The following DNAH9 variants were observed in gnomAD, a reference collection of about 807,000 sequenced individuals.
DNAH9 encodes the protein DNAH9 variant protein.
Under a neutral mutation model 471.6 loss-of-function variants are expected in DNAH9, and 345 were observed. The observed-to-expected ratio is 0.73, with a 90% confidence interval of 0.67 to 0.80. DNAH9 has a LOEUF of 0.80. Among genes scored for constraint, DNAH9 ranks in the 30% least tolerant of loss-of-function variants. The probability of loss-of-function intolerance (pLI) is 0.00; values close to 1 mark genes in which losing one functional copy is unlikely to be tolerated. For synonymous variants in DNAH9, 2,093 were observed against 2,123.6 expected (o/e 0.99, Z 0.40); for missense variants, 5,407 against 5,609.2 (o/e 0.96, Z 1.15).
At chr17:11,926,035 GAAAAAAAAAAAAAA>G (rs71142253) in intron 62 of DNAH9, among the ~76,000 whole-genome samples, 32 of 59,918 alleles carry the variant, frequency 5.3e-4, no homozygotes, top group African/African-American at 2.0e-3. Flanking sequence ...GAGATTCTCT[GAAAAAAAAAAAAAA>G]AAAAAAAAAA....
chr17:11,773,057 A>T (rs996454832), intron 38 of DNAH9, among the ~76,000 whole-genome samples: 12 of 152,254 alleles, frequency 7.9e-5, no homozygotes, highest in Admixed American at 6.5e-4. Context: ...GAAACCAGGT[A>T]TCAAACAGGA....
Position 11,719,325 on chromosome 17 carries a change from G to A in DNAH9, c.5553-9G>A, listed in dbSNP as rs1044596496. On this transcript the variant is annotated splice_polypyrimidine_tract_variant and intron_variant, in intron 26 of 68. Transcript: ENST00000262442. ...AGAATGATGACCTATGCCCTCCCGT[G>A]TTTGGCAGGTGCTACATCACCCTCA... 1.2e-6 allele frequency: 2 copies of A among 1,613,374 alleles called. No homozygotes were observed. Among genetic ancestry groups the A allele is most frequent in the Non-Finnish European group, 1.7e-6 (2 of 1,179,704 alleles).
chr17:11,729,317 C>T (rs1429436300), intron 28 of DNAH9, among the ~76,000 whole-genome samples: 2 of 152,110 alleles, frequency 1.3e-5, no homozygotes, highest in Non-Finnish European at 2.9e-5. Flanking sequence ...CTGCTAGGGG[C>T]GGCTGGTTTC....
At chr17:11,928,751 G>A (rs1974408677) in intron 62 of DNAH9, among the ~76,000 whole-genome samples, 1 of 152,240 alleles carries the variant, frequency 6.6e-6, no homozygotes, top group Admixed American at 6.5e-5. Flanking sequence ...GTGGTTTGGA[G>A]AGTGGAGAGA....
intron 49 of DNAH9, among the ~76,000 whole-genome samples, chr17:11,846,426 T>C (rs1971226481): frequency 2.0e-5 from 3 of 151,716 alleles, no homozygotes; most frequent in Admixed American, 1.3e-4. Context: ...TAGTTTGAAG[T>C]CAGGTAGCGT....
chr17:11,794,254 G>A (rs967352799), intron 42 of DNAH9, among the ~76,000 whole-genome samples: 9 of 151,718 alleles, frequency 5.9e-5, no homozygotes, highest in African/African-American at 1.9e-4. Flanking sequence ...CTGTTTCACC[G>A]AGGGTTTCAC....
At chr17:11,752,723 G>A (rs1597593650) in intron 32 of DNAH9, 110 bp from the exon 33 acceptor site, 1 of 777,704 alleles carries the variant, frequency 1.3e-6, no homozygotes, top group African/African-American at 1.8e-5. Context: ...GCCTTTGCAT[G>A]TTCCATGTAC....
chr17:11,952,770 C>G (rs1975435252), intron 67 of DNAH9, among the ~76,000 whole-genome samples: 1 of 152,098 alleles, frequency 6.6e-6, no homozygotes, highest in Non-Finnish European at 1.5e-5. Context: ...CCACTGACCT[C>G]TCTCCTGGTT....
chr17:11,904,386 T>C (rs1279495652), intron 60 of DNAH9, among the ~76,000 whole-genome samples: 1 of 152,010 alleles, frequency 6.6e-6, no homozygotes, highest in Non-Finnish European at 1.5e-5. Flanking sequence ...ATCCCAGCAC[T>C]TTGTCAGGCC....
intron 22 of DNAH9, 50 bp downstream of exon 22, chr17:11,694,497 C>G (rs1213491085): frequency 3.7e-6 from 6 of 1,607,208 alleles, no homozygotes; most frequent in Admixed American, 1.7e-5. Context: ...TGAGGGGTGC[C>G]CAGCAGGAGG....
chr17:11,791,679 C>T (rs117987990), intron 41 of DNAH9, among the ~76,000 whole-genome samples: 2,289 of 151,972 alleles, frequency 0.015, 42 homozygotes, highest in Admixed American at 0.023. Flanking sequence ...CCACTGCACT[C>T]CAGTCTGGGT....
At chr17:11,821,625 A>T (rs912274906) in intron 45 of DNAH9, among the ~76,000 whole-genome samples, 2 of 152,172 alleles carry the variant, frequency 1.3e-5, no homozygotes, top group Non-Finnish European at 2.9e-5. Flanking sequence ...AATACAGTAG[A>T]TGGGAAACAA....
At chr17:11,869,274 C>A (rs759245654) in intron 51 of DNAH9, 21 bp downstream of exon 51, 1 of 1,610,620 alleles carries the variant, frequency 6.2e-7, no homozygotes, top group Admixed American at 1.7e-5. Context: ...GCCACAGCAG[C>A]CCGAGCTGTA....
chr17:11,864,580 T>G (rs1175233825), intron 50 of DNAH9, among the ~76,000 whole-genome samples: 1 of 152,102 alleles, frequency 6.6e-6, no homozygotes, highest in East Asian at 1.9e-4. Context: ...GTATCCTTGT[T>G]GACTTTCTGT....
chr17:11,789,443 G>A (rs1486048831), intron 41 of DNAH9, among the ~76,000 whole-genome samples: 1 of 151,946 alleles, frequency 6.6e-6, no homozygotes, highest in Non-Finnish European at 1.5e-5. Context: ...GTTATCAATA[G>A]TTGCTAATTT....
At chr17:11,659,708 C>A (rs1392379896) in intron 14 of DNAH9, among the ~76,000 whole-genome samples, 1 of 152,270 alleles carries the variant, frequency 6.6e-6, no homozygotes, top group East Asian at 1.9e-4. Context: ...CCTCATCTTT[C>A]TACCCCTACA....
intron 17 of DNAH9, among the ~76,000 whole-genome samples, chr17:11,671,063 C>T (rs189367148): frequency 3.7e-4 from 56 of 152,280 alleles, no homozygotes; most frequent in Middle Eastern, 6.8e-3. Flanking sequence ...CTTTTCTTCC[C>T]TGAGGAACTC....
intron 32 of DNAH9, 122 bp downstream of exon 32, chr17:11,747,888 G>A (rs2150844539): frequency 1.1e-6 from 1 of 895,600 alleles, no homozygotes; most frequent in Non-Finnish European, 1.7e-6. Flanking sequence ...GAACCGCGGA[G>A]GGAGACAAAA....
At chr17:11,851,563 G>A (rs1971421790) in intron 49 of DNAH9, among the ~76,000 whole-genome samples, 1 of 152,156 alleles carries the variant, frequency 6.6e-6, no homozygotes, top group African/African-American at 2.4e-5. Context: ...AGTGAGAAAA[G>A]GAGAAAGTGG....
Sources: gnomAD v4.1 joint callset for allele counts (sites outside exome capture counted in the v4.1 genomes callset) on GRCh38, gnomAD v4.1.1 for gene constraint, MANE v1.5 for transcripts, NCBI Gene and HGNC (gene_info 2026-07-23, HGNC 2026-07-21) for gene names.